The following CDC42BPB variants were observed in gnomAD, a reference collection of about 807,000 sequenced individuals.
The protein encoded by CDC42BPB is serine/threonine-protein kinase MRCK beta.
Under a neutral mutation model 214.9 loss-of-function variants are expected in CDC42BPB, and 37 were observed. The ratio of observed to expected loss-of-function variants is 0.17; its 90% confidence interval spans 0.13 to 0.23. The LOEUF is 0.23. CDC42BPB is among the 10% of genes least tolerant of loss of function. The pLI is 1.00. For missense variants in CDC42BPB, 1,694 were observed against 2,227.0 expected (o/e 0.76, Z 4.82); for synonymous variants, 931 against 884.0 (o/e 1.05, Z -0.94).
intron 5 of CDC42BPB, among the ~76,000 whole-genome samples, chr14:102,986,990 C>A (rs953005578): frequency 6.6e-5 from 10 of 152,242 alleles, no homozygotes; most frequent in African/African-American, 2.4e-4. Context: ...GGCAGGCTCA[C>A]ACGGTGCAAG....
chr14:102,934,778 A>G (rs1349411769), intron 36 of CDC42BPB, among the ~76,000 whole-genome samples: 6 of 152,034 alleles, frequency 3.9e-5, no homozygotes, highest in Non-Finnish European at 5.9e-5. Context: ...TTGGGAGGCC[A>G]AGGTGGGCAG....
intron 12 of CDC42BPB, 131 bp downstream of exon 12, chr14:102,973,885 G>A: frequency 8.6e-7 from 1 of 1,168,896 alleles, no homozygotes; most frequent in Non-Finnish European, 1.2e-6. Context: ...CTTGGCCCTG[G>A]CGTCCTGCAT....
intron 4 of CDC42BPB, 31 bp from the exon 5 acceptor site, chr14:102,999,744 A>T (rs1333563949): frequency 6.2e-7 from 1 of 1,613,680 alleles, no homozygotes. Flanking sequence ...GGGAGAGAAT[A>T]CCACATTTAG....
intron 12 of CDC42BPB, among the ~76,000 whole-genome samples, chr14:102,972,900 GA>G (rs1474736333): frequency 6.6e-6 from 1 of 152,060 alleles, no homozygotes; most frequent in Non-Finnish European, 1.5e-5. Context: ...GAACACATAT[GA>G]CACAAAGTGC....
intron 9 of CDC42BPB, among the ~76,000 whole-genome samples, chr14:102,977,586 A>AC (rs1488058734): frequency 1.3e-5 from 2 of 152,198 alleles, no homozygotes; most frequent in African/African-American, 4.8e-5. Context: ...ACAGGGGCCC[A>AC]CAACACACAA....
At chr14:102,945,295 A>AGGAT (rs1200715996) in intron 29 of CDC42BPB, 1 of 464,280 alleles carries the variant, frequency 2.2e-6, no homozygotes, top group Admixed American at 2.3e-5. Flanking sequence ...GGTGCATGCC[A>AGGAT]GGATACCTTT....
chr14:103,002,565 G>A (rs1269451816), intron 4 of CDC42BPB, among the ~76,000 whole-genome samples: 1 of 152,208 alleles, frequency 6.6e-6, no homozygotes, highest in African/African-American at 2.4e-5. Flanking sequence ...GAAATGAACT[G>A]GAGACAGTCC....
rs1225239953 is a variant in CDC42BPB, at chr14:102,954,501, C to A, written c.2988+101G>T. 2.9e-6 allele frequency: 4 copies of A among 1,376,242 alleles called. No homozygotes were observed. The African/African-American group carries it at 5.8e-5, about 20-fold the overall frequency. 85.3% of individuals were successfully genotyped at this position (1,376,242 alleles called of 1,614,324 possible). Reference sequence around the variant, plus strand: ...GCTTGAGCACCTGGGCAGAGGCCCTCGCTGCAAACTGTTATGCAGGGGCCA... The same window carrying A: ...GCTTGAGCACCTGGGCAGAGGCCCTAGCTGCAAACTGTTATGCAGGGGCCA... On this transcript the variant is annotated intron_variant, in intron 22 of 36. Transcript: ENST00000361246.
intron 5 of CDC42BPB, among the ~76,000 whole-genome samples, chr14:102,996,976 G>C (rs371541401): frequency 6.6e-6 from 1 of 152,138 alleles, no homozygotes; most frequent in Admixed American, 6.5e-5. Context: ...TGGGAGGTGC[G>C]AGCCATCAGC....
intron 1 of CDC42BPB, among the ~76,000 whole-genome samples, chr14:103,031,077 C>CT (rs905252164): frequency 1.3e-5 from 2 of 150,554 alleles, no homozygotes; most frequent in Non-Finnish European, 3.0e-5. Flanking sequence ...TTCTGAGTTA[C>CT]TTTTTTTTTA....
At chr14:102,938,567 T>A (rs1891746184) in intron 34 of CDC42BPB, 156 bp from the exon 35 acceptor site, 6 of 985,292 alleles carry the variant, frequency 6.1e-6, no homozygotes, top group Non-Finnish European at 6.0e-6. Context: ...TTCTGGACAG[T>A]CTGGAACTAA....
intron 1 of CDC42BPB, among the ~76,000 whole-genome samples, chr14:103,040,002 G>C (rs897547930): frequency 6.6e-6 from 1 of 152,150 alleles, no homozygotes; most frequent in Admixed American, 6.5e-5. Flanking sequence ...AAGAAAGTAA[G>C]TGCAACTCTT....
In CDC42BPB at chr14:102,974,071, C is replaced by T. The variant is rs200053443; in HGVS notation, c.1586G>A (p.Arg529Gln). 58 of 1,613,922 alleles carry T rather than the reference C, an allele frequency of 3.6e-5. No individual in the cohort carries two copies. In the Admixed American group the frequency reaches 5.5e-4, roughly 15 times the overall value. Residue 529 changes from arginine to glutamine, a missense_variant, in exon 12 of 37, where the codon CGG becomes CAG. This residue lies in a region of CDC42BPB where 462 missense variants were observed against 513.5 expected (regional missense o/e 0.90). Coordinates refer to ENST00000361246, the MANE Select transcript of CDC42BPB (RefSeq NM_006035.4). ...QEREDSTQRL[R>Q]GLEKQHRVVR... ...CACGCGGTGCTGCTTCTCCAGCCCC[C>T]GCAGCCGCTGCGTGGAGTCCTCACG...
chr14:102,985,958 TC>T (rs1170771508), intron 6 of CDC42BPB, among the ~76,000 whole-genome samples: 1 of 152,196 alleles, frequency 6.6e-6, no homozygotes, highest in African/African-American at 2.4e-5. Context: ...TGATAGCCGA[TC>T]CGGGGGCAAC....
At chr14:102,972,367 G>C (rs1221354293) in intron 12 of CDC42BPB, 22 of 982,332 alleles carry the variant, frequency 2.2e-5, no homozygotes, top group Non-Finnish European at 2.4e-5. Context: ...CCTGGGCTCA[G>C]GTGCTGAGAC....
At chr14:102,996,304 C>T (rs910346717) in intron 5 of CDC42BPB, among the ~76,000 whole-genome samples, 4 of 151,950 alleles carry the variant, frequency 2.6e-5, no homozygotes, top group Non-Finnish European at 5.9e-5. Context: ...GATGCCACTG[C>T]ACTCCAGCCT....
chr14:103,057,070 A>ACGAGCACGTCG lies in CDC42BPB; in HGVS notation c.93_103dup (p.Val35AlafsTer36). Reference sequence around the variant, plus strand: ...GTGGCTGCACTCGGTGTACAGGCAGACGAGCACGTCGAGCAGCGTTTCCAC... The same window carrying ACGAGCACGTCG: ...GTGGCTGCACTCGGTGTACAGGCAGACGAGCACGTCGCGAGCACGTCGAGCAGCGTTTCCAC... On this transcript the variant is annotated frameshift_variant, in exon 1 of 37. Coordinates refer to ENST00000361246, the MANE Select transcript of CDC42BPB (RefSeq NM_006035.4). LOFTEE classifies it high-confidence loss of function. The ACGAGCACGTCG allele has an allele frequency of 6.6e-7, 1 of 1,525,066 alleles. No individual in the cohort carries two copies. Among genetic ancestry groups the ACGAGCACGTCG allele is most frequent in the Non-Finnish European group, 8.8e-7 (1 of 1,141,156 alleles). The allele number at this position is 1,525,066 out of a possible 1,614,324, so 94.5% of individuals were successfully genotyped here.
chr14:102,992,378 A>T (rs1023720633), intron 5 of CDC42BPB, among the ~76,000 whole-genome samples: 3 of 152,242 alleles, frequency 2.0e-5, no homozygotes, highest in Non-Finnish European at 4.4e-5. Flanking sequence ...GAAATAAAAC[A>T]GCCACCAGTT....
chr14:102,971,152 G>A (rs1412196917), intron 13 of CDC42BPB, among the ~76,000 whole-genome samples: 1 of 152,068 alleles, frequency 6.6e-6, no homozygotes, highest in Admixed American at 6.5e-5. Context: ...GTAGCAAAAC[G>A]GATTGAAGAA....
Sources: gnomAD v4.1 joint callset for allele counts (sites outside exome capture counted in the v4.1 genomes callset) on GRCh38, gnomAD v4.1.1 for gene constraint, gnomAD v4.1.1 regional missense constraint, MANE v1.5 for transcripts, NCBI Gene and HGNC (gene_info 2026-07-23, HGNC 2026-07-21) for gene names.